Variants in PTK2B observed in about 807,000 individuals in gnomAD.
PTK2B encodes the protein protein tyrosine kinase 2 beta.
PTK2B carries 71 observed loss-of-function variants against 142.9 expected under a neutral mutation model. The ratio of observed to expected loss-of-function variants is 0.50; its 90% CI spans 0.41 to 0.61. The LOEUF (loss-of-function observed/expected upper bound fraction) is 0.61, where lower values mean the gene tolerates loss of function less well. Among genes scored for constraint, PTK2B ranks in the 20% least tolerant of loss-of-function variants. The probability of loss-of-function intolerance (pLI) is 0.00; values close to 1 mark genes in which losing one functional copy is unlikely to be tolerated. For missense variants in PTK2B, 1,105 were observed against 1,320.4 expected, an observed-to-expected ratio of 0.84 and a Z score of 2.53; for synonymous variants, 519 against 503.4, an observed-to-expected ratio of 1.03 and a Z score of -0.42.
At chr8:27,450,636 G>A (rs1811744259) in intron 24 of PTK2B, 113 bp from the exon 25 acceptor site, 1 of 1,340,416 alleles carries the variant, frequency 7.5e-7, no homozygotes, top group Non-Finnish European at 1.0e-6. Context: ...GAAAAAAGCA[G>A]CTGGCCAGGC....
chr8:27,410,082 C>T (rs535170383), intron 2 of PTK2B, among the ~76,000 whole-genome samples: 2 of 152,266 alleles, frequency 1.3e-5, no homozygotes, highest in South Asian at 2.1e-4. Flanking sequence ...TAAGTATAGT[C>T]ATCTTACTAA....
intron 3 of PTK2B, among the ~76,000 whole-genome samples, chr8:27,317,734 C>T (rs1424933899): frequency 2.6e-5 from 4 of 152,218 alleles, no homozygotes; most frequent in Admixed American, 1.3e-4. Context: ...GCCACAGTTC[C>T]TATCCAGCCA....
At chr8:27,359,727 CTCTTTCTTTCTCTCTCCCTATCTT>C (rs1480634989) in intron 1 of PTK2B, among the ~76,000 whole-genome samples, 8 of 152,174 alleles carry the variant, frequency 5.3e-5, no homozygotes, top group African/African-American at 1.7e-4. Context: ...TTTACCTTCT[CTCTTTCTTTCTCTCTCCCTATCTT>C]TCTTTCTTTC....
chr8:27,411,949 G>A (rs1393748621), intron 2 of PTK2B, among the ~76,000 whole-genome samples: 1 of 152,184 alleles, frequency 6.6e-6, no homozygotes, highest in Non-Finnish European at 1.5e-5. Flanking sequence ...CAGAATGCAG[G>A]AAAGTGCTAT....
chr8:27,442,873 A>G lies in PTK2B; in HGVS notation c.2040-2A>G, dbSNP rs111328582. The G allele has an allele frequency of 6.2e-7, 1 of 1,612,738 alleles. No homozygotes were observed. The highest frequency in any genetic ancestry group is 8.5e-7 in the Non-Finnish European group (1 of 1,178,716). On this transcript the variant is annotated splice_acceptor_variant, in intron 21 of 30. Coordinates refer to ENST00000346049, the MANE Select transcript of PTK2B (RefSeq NM_173176.3). LOFTEE classifies it high-confidence loss of function. ...CTCCTTATCTGACGTGACTCCCTGC[A>G]GTGACGTTTATCAGATGGAGAAGGA...
chr8:27,451,895 A>G, intron 27 of PTK2B: 2 of 478,976 alleles, frequency 4.2e-6, no homozygotes, highest in Non-Finnish European at 5.7e-6. Context: ...TGTAGGCCTG[A>G]GGGACAGAGG....
chr8:27,438,619 G>A (rs115546901), intron 18 of PTK2B, among the ~76,000 whole-genome samples: 80 of 152,320 alleles, frequency 5.3e-4, no homozygotes, highest in African/African-American at 1.9e-3. Context: ...GGAAGTGGTT[G>A]GAGTTTATCC....
intron 1 of PTK2B, among the ~76,000 whole-genome samples, chr8:27,353,493 G>A (rs753281039): frequency 5.3e-5 from 8 of 152,134 alleles, no homozygotes; most frequent in African/African-American, 1.2e-4. Context: ...GCCCTCACAC[G>A]CTGATCTGTG....
chr8:27,445,736 A>T, intron 23 of PTK2B, 58 bp from the exon 24 acceptor site: 1 of 1,604,842 alleles, frequency 6.2e-7, no homozygotes, highest in African/African-American at 1.3e-5. Flanking sequence ...TGTAGCAGCT[A>T]ATTGTCTACC....
chr8:27,350,975 C>CAAAAAAAAAA lies in PTK2B; in HGVS notation c.-38+25301_-38+25310dup, dbSNP rs1161040902. ...TGGGGGACAGAGAAAGTCTCCGTCT[C>CAAAAAAAAAA]AAAAAAAAAAAAAAAATATATATAT... On this transcript the variant is annotated intron_variant, in intron 1 of 30. Transcript: ENST00000346049. 1.7e-3 allele frequency among the ~76,000 whole-genome samples: 4 copies of CAAAAAAAAAA among 2,346 alleles called. 1 individual carries two copies. The highest frequency in any genetic ancestry group is 8.8e-3 in the African/African-American group (3 of 342). The allele number at this position is 2,346 out of a possible 152,430, so 1.5% of individuals were successfully genotyped here.
chr8:27,311,307 C>A, upstream of PTK2B: 1 of 1,435,014 alleles, frequency 7.0e-7, no homozygotes, highest in Non-Finnish European at 9.2e-7. Context: ...TGCCAACGCC[C>A]GCGACCCGAG....
intron 5 of PTK2B, among the ~76,000 whole-genome samples, chr8:27,424,715 G>A (rs1262159363): frequency 1.3e-5 from 2 of 152,180 alleles, no homozygotes; most frequent in East Asian, 1.9e-4. Context: ...GACACACTTC[G>A]GAAAATTAGG....
intron 23 of PTK2B, 98 bp from the exon 24 acceptor site, chr8:27,445,696 G>T (rs537110451): frequency 6.5e-7 from 1 of 1,538,450 alleles, no homozygotes; most frequent in South Asian, 1.1e-5. Flanking sequence ...TCCCTGTGGT[G>T]CTCATGCATA....
intron 3 of PTK2B, among the ~76,000 whole-genome samples, chr8:27,318,206 T>C (rs1320475862): frequency 6.6e-6 from 1 of 152,168 alleles, no homozygotes; most frequent in African/African-American, 2.4e-5. Context: ...TGTCTAGAAG[T>C]TCTTCTTGTT....
chr8:27,335,897 C>T (rs150921999), intron 1 of PTK2B, among the ~76,000 whole-genome samples: 44 of 152,274 alleles, frequency 2.9e-4, no homozygotes, highest in African/African-American at 9.6e-4. Flanking sequence ...CAATATAAAC[C>T]AGGCAAAAAT....
intron 1 of PTK2B, among the ~76,000 whole-genome samples, chr8:27,327,556 C>T (rs192073997): frequency 5.7e-4 from 87 of 152,206 alleles, no homozygotes; most frequent in African/African-American, 2.0e-3. Context: ...CTGAGGTTGG[C>T]GCAATGCTGT....
intron 2 of PTK2B, among the ~76,000 whole-genome samples, chr8:27,406,767 G>C (rs919686742): frequency 6.6e-6 from 1 of 152,178 alleles, no homozygotes; most frequent in Non-Finnish European, 1.5e-5. Context: ...GAGATTCACT[G>C]ATGTGAATTA....
intron 2 of PTK2B, among the ~76,000 whole-genome samples, chr8:27,404,436 C>A (rs889425979): frequency 6.6e-6 from 1 of 152,192 alleles, no homozygotes; most frequent in African/African-American, 2.4e-5. Flanking sequence ...TGAAGCATCA[C>A]CCCACTCAGA....
chr8:27,314,838 G>A (rs1240689114), intron 3 of PTK2B, among the ~76,000 whole-genome samples: 1 of 152,240 alleles, frequency 6.6e-6, no homozygotes, highest in Admixed American at 6.5e-5. Flanking sequence ...CTACTCTGGA[G>A]GCTGAGGTGG....
Sources: allele counts gnomAD v4.1 joint callset (sites outside exome capture counted in the v4.1 genomes callset), GRCh38; gene constraint gnomAD v4.1.1; transcripts MANE v1.5; gene names NCBI Gene and HGNC (gene_info 2026-07-23, HGNC 2026-07-21).